Variants in STAG1 observed in about 807,000 individuals in gnomAD.
STAG1 encodes STAG1 cohesin complex component.
In STAG1, 26 loss-of-function variants were observed where a neutral mutation model predicts 170.9. The observed-to-expected ratio is 0.15, with a 90% CI of 0.11 to 0.21. The LOEUF (loss-of-function observed/expected upper bound fraction) is 0.21, where lower values mean the gene tolerates loss of function less well. Ranked by LOEUF, STAG1 falls within the 10% of genes least tolerant of loss-of-function variation. The pLI is 1.00. For missense variants in STAG1, 964 were observed against 1,509.5 expected (o/e 0.64, Z 5.99); for synonymous variants, 514 against 497.7 (o/e 1.03, Z -0.44).
chr3:136,557,876 G>A (rs535187411), intron 5 of STAG1, among the ~76,000 whole-genome samples: 165 of 152,194 alleles, frequency 1.1e-3, no homozygotes, highest in African/African-American at 3.8e-3. Flanking sequence ...GCCCATAAAA[G>A]AAAAGACAAA....
chr3:136,656,004 TTCAA>T (rs1941359319), intron 1 of STAG1, among the ~76,000 whole-genome samples: 1 of 152,118 alleles, frequency 6.6e-6, no homozygotes, highest in African/African-American at 2.4e-5. Context: ...TTCACAGTAC[TTCAA>T]TCAAGGAAGC....
At chr3:136,364,914 GA>G (rs1235809699) in intron 25 of STAG1, among the ~76,000 whole-genome samples, 2 of 152,122 alleles carry the variant, frequency 1.3e-5, no homozygotes, top group Non-Finnish European at 2.9e-5. Context: ...TTAGTGCAAA[GA>G]AGAATTATCT....
intron 1 of STAG1, among the ~76,000 whole-genome samples, chr3:136,660,687 G>A (rs2107864747): frequency 6.6e-6 from 1 of 152,050 alleles, no homozygotes; most frequent in East Asian, 1.9e-4. Context: ...CCTGGGGACT[G>A]GCGAGGCATG....
At chr3:136,659,719 C>A (rs1205677843) in intron 1 of STAG1, among the ~76,000 whole-genome samples, 1 of 152,084 alleles carries the variant, frequency 6.6e-6, no homozygotes, top group African/African-American at 2.4e-5. Flanking sequence ...TAGTTGAATA[C>A]CATGTTTAGT....
chr3:136,579,003 T>G (rs1164380421), intron 4 of STAG1, among the ~76,000 whole-genome samples: 1 of 152,202 alleles, frequency 6.6e-6, no homozygotes, highest in African/African-American at 2.4e-5. Context: ...CCTGGGAAAT[T>G]GCAGAGTTTA....
chr3:136,489,293 T>G (rs1043848679), intron 9 of STAG1, among the ~76,000 whole-genome samples: 1 of 152,184 alleles, frequency 6.6e-6, no homozygotes, highest in Non-Finnish European at 1.5e-5. Context: ...TGGACCTAAG[T>G]TTTCATTGGA....
chr3:136,585,195 A>C (rs1298694663), intron 4 of STAG1, among the ~76,000 whole-genome samples: 3 of 152,176 alleles, frequency 2.0e-5, no homozygotes, highest in Non-Finnish European at 4.4e-5. Context: ...TAATCCCAGC[A>C]ATTTGGGAGG....
chr3:136,634,777 T>C (rs1256722159), intron 1 of STAG1, among the ~76,000 whole-genome samples: 1 of 152,036 alleles, frequency 6.6e-6, no homozygotes, highest in Admixed American at 6.6e-5. Flanking sequence ...ACCACAAGTT[T>C]GTTGTTGGAA....
chr3:136,464,438 AAAC>A (rs2089391794), intron 13 of STAG1, among the ~76,000 whole-genome samples: 1 of 151,926 alleles, frequency 6.6e-6, no homozygotes. Context: ...AAAAACAAAA[AAAC>A]AAAAAAATCA....
intron 1 of STAG1, chr3:136,737,140 C>G (rs921011264): frequency 6.3e-6 from 5 of 794,758 alleles, no homozygotes; most frequent in African/African-American, 5.0e-5. Flanking sequence ...AGAACCAAGT[C>G]TCTCTTCTCT....
At chr3:136,396,855 C>T (rs1410631391) in intron 22 of STAG1, among the ~76,000 whole-genome samples, 1 of 152,050 alleles carries the variant, frequency 6.6e-6, no homozygotes, top group Non-Finnish European at 1.5e-5. Flanking sequence ...GCTTTCATTA[C>T]TAATAAAAGG....
intron 1 of STAG1, among the ~76,000 whole-genome samples, chr3:136,681,769 GGGA>G (rs1395052425): frequency 1.3e-5 from 2 of 151,990 alleles, no homozygotes; most frequent in African/African-American, 4.8e-5. Context: ...TTAACAGAAA[GGGA>G]GGGAGTCACA....
intron 15 of STAG1, among the ~76,000 whole-genome samples, chr3:136,441,788 C>T (rs528959186): frequency 4.2e-4 from 64 of 152,176 alleles, no homozygotes; most frequent in South Asian, 8.3e-4. Context: ...TTAATCTTCA[C>T]AGCTATATAA....
intron 16 of STAG1, among the ~76,000 whole-genome samples, chr3:136,423,859 T>A (rs949120107): frequency 3.3e-5 from 5 of 151,884 alleles, no homozygotes; most frequent in Middle Eastern, 3.4e-3. Flanking sequence ...CAGTCTTTTT[T>A]TTTTTTATTT....
chr3:136,356,511 G>A (rs1307028021), intron 28 of STAG1, among the ~76,000 whole-genome samples: 1 of 152,032 alleles, frequency 6.6e-6, no homozygotes, highest in East Asian at 1.9e-4. Context: ...CTCCCAAGTA[G>A]CTGGGACTAC....
chr3:136,733,220 G>A (rs1934143254), intron 1 of STAG1, among the ~76,000 whole-genome samples: 1 of 151,764 alleles, frequency 6.6e-6, no homozygotes, highest in Admixed American at 6.6e-5. Context: ...GAGTAGCTGG[G>A]ACTACAGATG....
At chr3:136,379,514 G>C (rs577027523) in intron 22 of STAG1, among the ~76,000 whole-genome samples, 1 of 152,252 alleles carries the variant, frequency 6.6e-6, no homozygotes, top group East Asian at 1.9e-4. Flanking sequence ...TTCGAGACCA[G>C]CCTGGCCAAC....
intron 23 of STAG1, among the ~76,000 whole-genome samples, chr3:136,371,661 G>A (rs1937345526): frequency 6.6e-6 from 1 of 152,166 alleles, no homozygotes; most frequent in Non-Finnish European, 1.5e-5. Flanking sequence ...AGATCAGATA[G>A]TTGTAGATAT....
chr3:136,712,122 A>G (rs1166318554), intron 1 of STAG1, among the ~76,000 whole-genome samples: 1 of 152,198 alleles, frequency 6.6e-6, no homozygotes, highest in Non-Finnish European at 1.5e-5. Flanking sequence ...AATTCAAGCG[A>G]TTCCCCTGCC....
Sources: allele counts gnomAD v4.1 joint callset (sites outside exome capture counted in the v4.1 genomes callset), GRCh38; gene constraint gnomAD v4.1.1; transcripts MANE v1.5; gene names NCBI Gene and HGNC (gene_info 2026-07-23, HGNC 2026-07-21).